Variants in LRMDA observed in about 807,000 individuals in gnomAD.
LRMDA encodes the protein leucine-rich melanocyte differentiation-associated protein.
A neutral mutation model predicts 29.8 loss-of-function variants in LRMDA; 18 were observed. The ratio of observed to expected loss-of-function variants is 0.60; its 90% CI spans 0.42 to 0.90. The LOEUF is 0.90. Ranked by LOEUF, LRMDA falls within the 40% of genes least tolerant of loss-of-function variation. The probability of loss-of-function intolerance (pLI) is 0.00; values close to 1 mark genes in which losing one functional copy is unlikely to be tolerated. For synonymous variants in LRMDA, 125 were observed against 109.4 expected (o/e 1.14, Z -0.89); for missense variants, 273 against 273.9 (o/e 1.00, Z 0.02).
intron 2 of LRMDA, among the ~76,000 whole-genome samples, chr10:75,799,269 C>T (rs4307661): frequency 4.6e-5 from 7 of 151,970 alleles, no homozygotes; most frequent in South Asian, 2.1e-4. Flanking sequence ...ATTTATGATT[C>T]GTATGTCTTC....
chr10:75,720,570 G>A (rs1842554415), intron 2 of LRMDA, among the ~76,000 whole-genome samples: 1 of 152,224 alleles, frequency 6.6e-6, no homozygotes, highest in Admixed American at 6.5e-5. Context: ...CTTCAGGTTA[G>A]TCAGTGAAAT....
At chr10:75,618,376 C>A (rs889809735) in intron 2 of LRMDA, among the ~76,000 whole-genome samples, 16 of 69,198 alleles carry the variant, frequency 2.3e-4, no homozygotes, top group African/African-American at 6.0e-4. Context: ...CTCTCTCTCT[C>A]TCTCTCTATA....
intron 5 of LRMDA, among the ~76,000 whole-genome samples, chr10:76,133,430 C>T (rs542021343): frequency 2.0e-5 from 3 of 152,204 alleles, no homozygotes; most frequent in Admixed American, 2.0e-4. Flanking sequence ...CCCTGCACCT[C>T]CCTACCAGTC....
At chr10:76,086,020 T>C (rs548843559) in intron 5 of LRMDA, among the ~76,000 whole-genome samples, 1 of 152,282 alleles carries the variant, frequency 6.6e-6, no homozygotes, top group Non-Finnish European at 1.5e-5. Context: ...CCCCGCCCAA[T>C]TTTATAGTCT....
rs547065871 is a variant in LRMDA, at chr10:75,451,080, G to T, written c.131+12586G>T. 4 of 152,312 alleles carry T rather than the reference G, an allele frequency of 2.6e-5. No homozygotes were observed. In the East Asian group the frequency reaches 7.7e-4, roughly 29 times the overall value. The allele number at this position is 152,312 out of a possible 1,614,324, so 9.4% of individuals were successfully genotyped here. A position where few individuals can be genotyped will look rare whatever the true frequency, so the allele number is the denominator to read the frequency against. On this transcript the variant is annotated intron_variant, in intron 2 of 6. Transcript: ENST00000611255. ...TCTTGACCTGTCAGGTTTTGAAGGC[G>T]CCTCAATGGCTCTTTTTTGTCATGT... is the stretch of plus-strand genomic sequence containing the variant.
chr10:76,450,489 A>C (rs898196524), intron 6 of LRMDA, among the ~76,000 whole-genome samples: 3 of 152,126 alleles, frequency 2.0e-5, no homozygotes, highest in African/African-American at 7.2e-5. Context: ...TAAGCATATA[A>C]AACTTATAAA....
chr10:75,991,688 A>G (rs76568830), intron 2 of LRMDA, among the ~76,000 whole-genome samples: 4,626 of 152,284 alleles, frequency 0.03, 75 homozygotes, highest in Middle Eastern at 0.061. Flanking sequence ...GATGAGTGGG[A>G]AGTAGTGATG....
intron 6 of LRMDA, among the ~76,000 whole-genome samples, chr10:76,426,482 A>C (rs191100533): frequency 6.6e-6 from 1 of 152,048 alleles, no homozygotes; most frequent in African/African-American, 2.4e-5. Context: ...GTTGGAGTTC[A>C]TTGTAGATTC....
intron 2 of LRMDA, among the ~76,000 whole-genome samples, chr10:75,824,016 G>A (rs930958298): frequency 6.6e-6 from 1 of 152,060 alleles, no homozygotes; most frequent in African/African-American, 2.4e-5. Context: ...GGAGAAGGAT[G>A]AAATACCACC....
chr10:76,267,998 A>G (rs1052240240), intron 5 of LRMDA, among the ~76,000 whole-genome samples: 3 of 152,140 alleles, frequency 2.0e-5, no homozygotes, highest in Non-Finnish European at 4.4e-5. Context: ...TGTTCTGTAT[A>G]CCTCCTAAAA....
At chr10:76,209,457 T>C (rs1851597001) in intron 5 of LRMDA, among the ~76,000 whole-genome samples, 1 of 152,148 alleles carries the variant, frequency 6.6e-6, no homozygotes, top group South Asian at 2.1e-4. Flanking sequence ...TTTTCTTCTC[T>C]CTCTGGATTG....
At chr10:76,475,898 CA>C (rs1842664794) in intron 6 of LRMDA, among the ~76,000 whole-genome samples, 1 of 151,982 alleles carries the variant, frequency 6.6e-6, no homozygotes, top group South Asian at 2.1e-4. Context: ...ACATGTCAAG[CA>C]GTGTGTAGAG....
Position 76,035,961 on chromosome 10 carries a change from C to T in LRMDA, c.132-47C>T, listed in dbSNP as rs182487873. The T allele has an allele frequency of 6.3e-6, 10 of 1,596,998 alleles. No individual in the cohort carries two copies. In the Admixed American group the frequency reaches 1.4e-4, roughly 22 times the overall value. ...ATTTATTTCGGCTCATAATGGCCTC[C>T]CTGATTTAGTGCAGGATCATTTTTC... On this transcript the variant is annotated intron_variant, in intron 2 of 6. Coordinates refer to ENST00000611255, the MANE Select transcript of LRMDA (RefSeq NM_001305581.2).
chr10:76,056,778 CCCAAG>C lies in LRMDA; in HGVS notation c.399-1885_399-1881del, dbSNP rs1206376529. On this transcript the variant is annotated intron_variant, in intron 4 of 6. Coordinates refer to ENST00000611255, the MANE Select transcript of LRMDA (RefSeq NM_001305581.2). ...CAAGCCTTCCAGTGGAGGGGGGCTTCCCAAGCCCCCAAGAGCACAGGGATGCCTGG... is the reference window on the plus strand; with the variant it reads ...CAAGCCTTCCAGTGGAGGGGGGCTTCCCCCCAAGAGCACAGGGATGCCTGG... 7.2e-5 allele frequency among the ~76,000 whole-genome samples: 11 copies of C among 152,200 alleles called. No individual in the cohort carries two copies. In the East Asian group the frequency reaches 2.1e-3, roughly 30 times the overall value.
At chr10:76,146,366 T>A (rs1345438873) in intron 5 of LRMDA, among the ~76,000 whole-genome samples, 2 of 151,916 alleles carry the variant, frequency 1.3e-5, no homozygotes, top group Non-Finnish European at 1.5e-5. Context: ...TATATGAATC[T>A]GGGTGCTCCT....
intron 5 of LRMDA, among the ~76,000 whole-genome samples, chr10:76,284,245 A>G (rs1840242486): frequency 6.6e-6 from 1 of 152,176 alleles, no homozygotes. Context: ...ATTCTGCATT[A>G]TCCAGGTGGG....
At chr10:76,365,061 CGT>C (rs1491306111) in intron 6 of LRMDA, among the ~76,000 whole-genome samples, 6 of 89,366 alleles carry the variant, frequency 6.7e-5, no homozygotes, top group South Asian at 3.2e-4. Flanking sequence ...AGTATTCCAT[CGT>C]ATATATATAC....
chr10:75,910,344 T>C (rs991464729), intron 2 of LRMDA, among the ~76,000 whole-genome samples: 2 of 152,244 alleles, frequency 1.3e-5, no homozygotes, highest in Admixed American at 6.5e-5. Context: ...TTTCTTTTTC[T>C]AGTTAAACTA....
chr10:76,035,925 A>G (rs2132506706), intron 2 of LRMDA, 83 bp from the exon 3 acceptor site: 5 of 1,337,046 alleles, frequency 3.7e-6, no homozygotes, highest in Middle Eastern at 2.1e-4. Flanking sequence ...CCTGAAAGGG[A>G]AGGTTAAAAT....
Sources: allele counts gnomAD v4.1 joint callset (sites outside exome capture counted in the v4.1 genomes callset), GRCh38; gene constraint gnomAD v4.1.1; transcripts MANE v1.5; gene names NCBI Gene and HGNC (gene_info 2026-07-23, HGNC 2026-07-21).